The following SLC14A2 variants were observed in gnomAD, a reference collection of about 807,000 sequenced individuals.
The protein encoded by SLC14A2 is solute carrier family 14 member 2.
SLC14A2 carries 91 observed loss-of-function variants against 104.6 expected under a neutral mutation model. The observed-to-expected ratio is 0.87, with a 90% CI of 0.73 to 1.04. SLC14A2 has a LOEUF of 1.04. SLC14A2 is among the 50% of genes least tolerant of loss of function. SLC14A2 has a pLI of 0.00. For missense variants in SLC14A2, 1,189 were observed against 1,156.0 expected (o/e 1.03, Z -0.41); for synonymous variants, 476 against 466.4 (o/e 1.02, Z -0.27).
At chr18:45,614,190 C>T (rs538557833), upstream of SLC14A2, among the ~76,000 whole-genome samples, 5 of 152,322 alleles carry the variant, frequency 3.3e-5, no homozygotes, top group South Asian at 4.1e-4. Context: ...CAACCCATGG[C>T]GGCTTCCATG....
At chr18:45,367,294 G>C (rs528895414) in intron 1 of SLC14A2, among the ~76,000 whole-genome samples, 12 of 152,300 alleles carry the variant, frequency 7.9e-5, no homozygotes, top group African/African-American at 2.9e-4. Flanking sequence ...ATGCTACCGA[G>C]ATTTCATATA....
chr18:45,547,608 C>T (rs904355674), intron 2 of SLC14A2, among the ~76,000 whole-genome samples: 2 of 152,216 alleles, frequency 1.3e-5, no homozygotes, highest in East Asian at 3.9e-4. Flanking sequence ...CCCTTGTGGG[C>T]CTTCTGATGA....
At chr18:45,418,506 A>T (rs979691101) in intron 1 of SLC14A2, among the ~76,000 whole-genome samples, 4 of 152,190 alleles carry the variant, frequency 2.6e-5, no homozygotes, top group Non-Finnish European at 5.9e-5. Flanking sequence ...TGTTTGGTAG[A>T]GTCTGAGAAA....
chr18:45,605,077 C>T lies in SLC14A2; in HGVS notation c.-34-19554C>T, dbSNP rs574517219. ...CATCATCATAATACAATATTGATAACCAATAGGAAGCACTAATCAAGGCAG... is the reference window on the plus strand; with the variant it reads ...CATCATCATAATACAATATTGATAATCAATAGGAAGCACTAATCAAGGCAG... On this transcript the variant is annotated intron_variant, in intron 2 of 20. Transcript: ENST00000586448. Among the ~76,000 whole-genome samples the T allele has an allele frequency of 8.5e-5, 13 of 152,246 alleles. No homozygotes were observed. The South Asian group carries it at 1.9e-3, about 22-fold the overall frequency.
intron 2 of SLC14A2, among the ~76,000 whole-genome samples, chr18:45,509,772 C>T (rs1463087613): frequency 3.3e-5 from 5 of 152,156 alleles, no homozygotes; most frequent in East Asian, 1.9e-4. Flanking sequence ...AGTTCCATTG[C>T]GATGAACTTT....
intron 2 of SLC14A2, among the ~76,000 whole-genome samples, chr18:45,513,300 G>A (rs935145808): frequency 2.0e-5 from 3 of 152,186 alleles, no homozygotes; most frequent in African/African-American, 7.2e-5. Flanking sequence ...TTTACCTTAT[G>A]TGAGTATAAA....
intron 10 of SLC14A2, among the ~76,000 whole-genome samples, chr18:45,660,952 TTGGCTGCCACATCGTGAGGAGC>T (rs1373859719): frequency 1.3e-5 from 2 of 152,248 alleles, no homozygotes; most frequent in Non-Finnish European, 2.9e-5. Context: ...TTCTCAACTC[TTGGCTGCCACATCGTGAGGAGC>T]TGCTGCCCTC....
chr18:45,350,964 C>G (rs1324328059), intron 1 of SLC14A2, among the ~76,000 whole-genome samples: 2 of 152,146 alleles, frequency 1.3e-5, no homozygotes, highest in African/African-American at 4.8e-5. Flanking sequence ...CTAATGCATC[C>G]TCTGGGACTG....
At chr18:45,255,420 T>C (rs951074063) in intron 1 of SLC14A2, among the ~76,000 whole-genome samples, 8 of 152,148 alleles carry the variant, frequency 5.3e-5, no homozygotes, top group Admixed American at 2.6e-4. Context: ...GAGAGCGCAT[T>C]TGTGTGTGTT....
At chr18:45,433,984 T>C (rs529456735) in intron 1 of SLC14A2, among the ~76,000 whole-genome samples, 3 of 152,320 alleles carry the variant, frequency 2.0e-5, no homozygotes, top group African/African-American at 7.2e-5. Context: ...TCAGGGCTCC[T>C]GTGTCTTCCC....
intron 1 of SLC14A2, among the ~76,000 whole-genome samples, chr18:45,475,642 GATATATATATATATATAT>G (rs137928157): frequency 0.035 from 1,743 of 49,174 alleles, 72 homozygotes; most frequent in African/African-American, 0.11. Flanking sequence ...ATATATTTAG[GATATATATATATATATAT>G]ATATATATAT....
At chr18:45,611,934 C>T (rs570727765), upstream of SLC14A2, among the ~76,000 whole-genome samples, 1 of 152,184 alleles carries the variant, frequency 6.6e-6, no homozygotes, top group Non-Finnish European at 1.5e-5. Flanking sequence ...TCAAACAGTA[C>T]AGAATTTGTA....
intron 1 of SLC14A2, among the ~76,000 whole-genome samples, chr18:45,221,322 G>A (rs1488017158): frequency 6.6e-6 from 1 of 152,140 alleles, no homozygotes; most frequent in Admixed American, 6.5e-5. Context: ...CATCCTTATT[G>A]CATTATTAAA....
intron 1 of SLC14A2, among the ~76,000 whole-genome samples, chr18:45,389,683 A>C (rs1056062438): frequency 2.0e-5 from 3 of 152,258 alleles, no homozygotes; most frequent in Non-Finnish European, 4.4e-5. Context: ...TACAGGTGCC[A>C]GAGGCAATAT....
intron 2 of SLC14A2, among the ~76,000 whole-genome samples, chr18:45,598,395 C>T (rs1262966772): frequency 6.6e-6 from 1 of 152,110 alleles, no homozygotes; most frequent in Non-Finnish European, 1.5e-5. Flanking sequence ...AGGAGAGTGG[C>T]CCCAGCATTT....
chr18:45,369,349 T>A (rs1382542651), intron 1 of SLC14A2, among the ~76,000 whole-genome samples: 1 of 152,222 alleles, frequency 6.6e-6, no homozygotes, highest in Non-Finnish European at 1.5e-5. Flanking sequence ...TTAGGAAAGT[T>A]ATTTTTCCAA....
At chr18:45,309,471 A>G (rs1045484011) in intron 1 of SLC14A2, among the ~76,000 whole-genome samples, 14 of 152,052 alleles carry the variant, frequency 9.2e-5, no homozygotes, top group Non-Finnish European at 1.9e-4. Context: ...GATGATTCCC[A>G]TTGTACAGAT....
intron 1 of SLC14A2, among the ~76,000 whole-genome samples, chr18:45,340,804 T>A (rs1342378668): frequency 6.6e-6 from 1 of 152,180 alleles, no homozygotes; most frequent in Non-Finnish European, 1.5e-5. Context: ...TGAGTTCTGG[T>A]TCCTGCGATG....
At chr18:45,418,475 G>A (rs2086302229) in intron 1 of SLC14A2, among the ~76,000 whole-genome samples, 2 of 152,196 alleles carry the variant, frequency 1.3e-5, no homozygotes, top group Non-Finnish European at 2.9e-5. Flanking sequence ...GATAGCAGGA[G>A]TGAAGTAGGA....
Sources: gnomAD v4.1 joint callset for allele counts (sites outside exome capture counted in the v4.1 genomes callset) on GRCh38, gnomAD v4.1.1 for gene constraint, MANE v1.5 for transcripts, NCBI Gene and HGNC (gene_info 2026-07-23, HGNC 2026-07-21) for gene names.